GAREM1: variants seen among roughly 807,000 people sequenced by gnomAD.
GAREM1 encodes the protein GRB2-associated and regulator of MAPK protein 1.
In GAREM1, 26 loss-of-function variants were observed where a neutral mutation model predicts 71.3. That is an observed-to-expected ratio of 0.36 (90% confidence interval 0.27 to 0.51). The LOEUF is 0.51. GAREM1 is among the 20% of genes least tolerant of loss of function. GAREM1 has a pLI of 0.95. For missense variants in GAREM1, 1,026 were observed against 1,103.1 expected (o/e 0.93, Z 0.99); for synonymous variants, 440 against 433.2 (o/e 1.02, Z -0.20).
chr18:32,284,355 TGG>T lies in GAREM1; in HGVS notation c.1566+2674_1566+2675del, dbSNP rs2046986998. On this transcript the variant is annotated intron_variant, in intron 4 of 5. Transcript: ENST00000269209. ...TGTCATAAGAAGTTACAGCTTAGAC[TGG>T]AGGCCAAATTTTTTTTTCTTCTGTG... 2.6e-5 allele frequency among the ~76,000 whole-genome samples: 4 copies of T among 152,358 alleles called. No individual in the cohort carries two copies. The East Asian group carries it at 5.8e-4, about 22-fold the overall frequency.
In GAREM1 at chr18:32,276,956, G is replaced by A. The variant is rs899012554; in HGVS notation, c.1567-6573C>T. 5.3e-5 allele frequency among the ~76,000 whole-genome samples: 8 copies of A among 152,174 alleles called. No homozygotes were observed. In the East Asian group the frequency reaches 5.8e-4, roughly 11 times the overall value. On this transcript the variant is annotated intron_variant, in intron 4 of 5. Coordinates refer to ENST00000269209, the MANE Select transcript of GAREM1 (RefSeq NM_001242409.2). ...CAGAGCAGAATCATGCCTGAATGGCGTCAAGGAAGCCAAGGGAGGGAGAGC... is the reference window on the plus strand; with the variant it reads ...CAGAGCAGAATCATGCCTGAATGGCATCAAGGAAGCCAAGGGAGGGAGAGC...
Position 32,287,132 on chromosome 18 carries a change from A to G in GAREM1, c.1465T>C (p.Cys489Arg). 1.2e-6 allele frequency: 2 copies of G among 1,614,224 alleles called. No homozygotes were observed. The highest frequency in any genetic ancestry group is 1.7e-6 in the Non-Finnish European group (2 of 1,180,028). ...GGGATGGGAAGAGGAGAAGTCGCAC[A>G]TTTGGATCGGACAGAACCTCTAAAC... ...DQFRGSVRSK[C>R]ATSPLPIPGT... Residue 489 changes from cysteine to arginine, a missense_variant, in exon 4 of 6, where the codon TGT (cysteine) becomes CGT (arginine). Physicochemically the swap from Cys to Arg is radical, Grantham distance 180. Coordinates refer to ENST00000269209, the MANE Select transcript of GAREM1 (RefSeq NM_001242409.2). This position sits in a 1 kb window ranked among gnomAD's most constrained non-coding sequence, Gnocchi z 5.9.
At chr18:32,415,892 G>A (rs914375089) in intron 1 of GAREM1, among the ~76,000 whole-genome samples, 9 of 152,102 alleles carry the variant, frequency 5.9e-5, no homozygotes, top group Admixed American at 2.6e-4. Flanking sequence ...ACAAGAGAAG[G>A]AAATAAAGAG....
chr18:32,371,347 G>A (rs2047977620), intron 2 of GAREM1, among the ~76,000 whole-genome samples: 1 of 152,160 alleles, frequency 6.6e-6, no homozygotes, highest in Non-Finnish European at 1.5e-5. Flanking sequence ...TAAATACCGA[G>A]GATTTAAATA....
At chr18:32,279,687 G>A (rs1468811535) in intron 4 of GAREM1, among the ~76,000 whole-genome samples, 1 of 152,094 alleles carries the variant, frequency 6.6e-6, no homozygotes, top group Non-Finnish European at 1.5e-5. Context: ...CAATACACTT[G>A]AGTCATCCCG....
In GAREM1 at chr18:32,405,665, G is replaced by A. The variant is rs893933872; in HGVS notation, c.122-12630C>T. Among the ~76,000 whole-genome samples the A allele has an allele frequency of 5.9e-5, 9 of 152,164 alleles. No homozygotes were observed. In the East Asian group the frequency reaches 1.5e-3, roughly 26 times the overall value. On this transcript the variant is annotated intron_variant, in intron 1 of 5. Coordinates refer to ENST00000269209, the MANE Select transcript of GAREM1 (RefSeq NM_001242409.2). ...TAGCCAATGATGTATGAACAGAAAT[G>A]ACATTTCCTACTTCCTGTCCTGGCC...
rs144744693 is a variant in GAREM1 at position 32,442,718 on chromosome 18, C to T, written c.121+27590G>A. ...ATGTCTTAAGCTTTTGCCCTCTACT[C>T]AGTAGCTTTGTTCATTGTGCAGATA... On this transcript the variant is annotated intron_variant, in intron 1 of 5. Transcript: ENST00000269209. Among the ~76,000 whole-genome samples the T allele has an allele frequency of 3.3e-5, 5 of 152,244 alleles. No individual in the cohort carries two copies. In the East Asian group the frequency reaches 9.7e-4, roughly 29 times the overall value.
At chr18:32,397,916 G>A (rs376676601) in intron 1 of GAREM1, among the ~76,000 whole-genome samples, 1 of 152,110 alleles carries the variant, frequency 6.6e-6, no homozygotes. Context: ...AGTTGGAAGT[G>A]AAGCACTCCT....
intron 2 of GAREM1, among the ~76,000 whole-genome samples, chr18:32,362,523 A>G (rs1242993719): frequency 6.6e-6 from 1 of 152,242 alleles, no homozygotes; most frequent in East Asian, 1.9e-4. Flanking sequence ...TTTAAAGGCA[A>G]ATTACAGAAA....
chr18:32,386,961 G>A (rs2048153537), intron 2 of GAREM1, among the ~76,000 whole-genome samples: 1 of 151,936 alleles, frequency 6.6e-6, no homozygotes, highest in African/African-American at 2.4e-5. Flanking sequence ...AGCTCAGGAG[G>A]GCAAATAAAA....
Position 32,287,957 on chromosome 18 carries a change from G to A in GAREM1, c.640C>T (p.Gln214Ter), listed in dbSNP as rs1300743752. 6.2e-7 allele frequency: 1 copy of A among 1,613,948 alleles called. No individual in the cohort carries two copies. The highest frequency in any genetic ancestry group is 8.5e-7 in the Non-Finnish European group (1 of 1,180,034). Residue 214 changes from glutamine to a stop codon, truncating the protein, a stop_gained, in exon 4 of 6, where the codon CAG becomes TAG. Transcript: ENST00000269209. LOFTEE classifies it high-confidence loss of function. The surrounding 1 kb of genome is among the most constrained non-coding windows in gnomAD (Gnocchi z 5.9). The stretch of plus-strand genomic sequence containing the variant: ...CGGGTGCTAAATCTGCCCTTGCACT[G>A]GAATGGAAGGCTAATGCTTTCGTTG... ...RTNESISLPF[Q>*]CKGRFSTRSP...
At chr18:32,330,050 T>C (rs776395121) in intron 2 of GAREM1, among the ~76,000 whole-genome samples, 18 of 152,158 alleles carry the variant, frequency 1.2e-4, no homozygotes, top group Non-Finnish European at 2.1e-4. Context: ...AAAAGATGCC[T>C]GCACTCATAT....
At chr18:32,290,855 G>A (rs1418697452) in intron 3 of GAREM1, among the ~76,000 whole-genome samples, 1 of 152,018 alleles carries the variant, frequency 6.6e-6, no homozygotes, top group Non-Finnish European at 1.5e-5. Context: ...TAAGGCTATG[G>A]GGTAAAAAGC....
rs577020334 is a variant in GAREM1 at position 32,368,813 on chromosome 18, C to T, written c.262+24082G>A. 7.9e-5 allele frequency among the ~76,000 whole-genome samples: 12 copies of T among 152,190 alleles called. No homozygotes were observed. The South Asian group carries it at 2.5e-3, about 32-fold the overall frequency. Reference sequence around the variant, plus strand: ...TCACAAACAGGCTCTGTGTTTTGATCAGAAATCTGAGAAACTTAGTTTCCT... The same window carrying T: ...TCACAAACAGGCTCTGTGTTTTGATTAGAAATCTGAGAAACTTAGTTTCCT... On this transcript the variant is annotated intron_variant, in intron 2 of 5. Transcript: ENST00000269209.
chr18:32,273,660 T>G (rs115940538), intron 4 of GAREM1, among the ~76,000 whole-genome samples: 2,167 of 152,028 alleles, frequency 0.014, 57 homozygotes, highest in African/African-American at 0.05. Context: ...CACATAGAGC[T>G]TTTGGGGTGG....
At chr18:32,378,540 G>A (rs1449059634) in intron 2 of GAREM1, among the ~76,000 whole-genome samples, 2 of 150,568 alleles carry the variant, frequency 1.3e-5, no homozygotes, top group African/African-American at 4.9e-5. Context: ...TCTTTCCCAA[G>A]CCCATTTACA....
In GAREM1 at chr18:32,464,013, C is replaced by T. The variant is rs1034706746; in HGVS notation, c.121+6295G>A. On this transcript the variant is annotated intron_variant, in intron 1 of 5. Transcript: ENST00000269209. ...AAAAAAAAAAAAAAAAAAGGCTGGG[C>T]GTGGTGGCTCATGCCTGTAATCCCA... Among the ~76,000 whole-genome samples, 276 of 143,552 alleles carry T rather than the reference C, an allele frequency of 1.9e-3. 2 individuals carry two copies. Among genetic ancestry groups the T allele is most frequent in the African/African-American group, 6.6e-3 (256 of 39,078 alleles). 94.2% of individuals were successfully genotyped at this position (143,552 alleles called of 152,430 possible).
At chr18:32,389,515 G>C (rs1017575577) in intron 2 of GAREM1, among the ~76,000 whole-genome samples, 1 of 152,160 alleles carries the variant, frequency 6.6e-6, no homozygotes, top group Non-Finnish European at 1.5e-5. Context: ...GAAAATGGCA[G>C]AATGAGAAAT....
At chr18:32,313,308 T>C (rs2047342606) in intron 2 of GAREM1, among the ~76,000 whole-genome samples, 1 of 152,018 alleles carries the variant, frequency 6.6e-6, no homozygotes, top group Admixed American at 6.6e-5. Flanking sequence ...GTGGGATCAA[T>C]GGATCATGGA....
Sources: allele counts gnomAD v4.1 joint callset (sites outside exome capture counted in the v4.1 genomes callset), GRCh38; gene constraint gnomAD v4.1.1; non-coding constraint Gnocchi (gnomAD v3.1); transcripts MANE v1.5; gene names NCBI Gene and HGNC (gene_info 2026-07-23, HGNC 2026-07-21).